Variants in MMP16 observed in about 807,000 individuals in gnomAD.
The protein encoded by MMP16 is matrix metalloproteinase-16.
MMP16 carries 12 observed loss-of-function variants against 67.8 expected under a neutral mutation model. That is an observed-to-expected ratio of 0.18 (90% confidence interval 0.11 to 0.29). MMP16 has a LOEUF of 0.29. Ranked by LOEUF, MMP16 falls within the 10% of genes least tolerant of loss-of-function variation. The pLI, the probability that MMP16 is intolerant of heterozygous loss-of-function variation, is 1.00. For synonymous variants in MMP16, 249 were observed against 255.9 expected (o/e 0.97, Z 0.26); for missense variants, 475 against 765.7 (o/e 0.62, Z 4.48).
intron 4 of MMP16, among the ~76,000 whole-genome samples, chr8:88,156,408 A>G (rs1379277893): frequency 6.6e-6 from 1 of 152,102 alleles, no homozygotes; most frequent in Non-Finnish European, 1.5e-5. Flanking sequence ...GGATTATAAT[A>G]AGGTCTATTT....
intron 1 of MMP16, among the ~76,000 whole-genome samples, chr8:88,286,638 C>T (rs904792634): frequency 4.6e-5 from 7 of 151,824 alleles, no homozygotes; most frequent in East Asian, 1.9e-4. Flanking sequence ...TGCAGTGGCG[C>T]GATCTTTGCT....
At chr8:88,279,819 T>C (rs999200869) in intron 1 of MMP16, among the ~76,000 whole-genome samples, 5 of 152,298 alleles carry the variant, frequency 3.3e-5, no homozygotes, top group Admixed American at 2.6e-4. Flanking sequence ...GGAACTCTAA[T>C]ATGCAGCAGC....
At chr8:88,262,846 CAAAAAAAA>C (rs71277991) in intron 1 of MMP16, among the ~76,000 whole-genome samples, 8 of 53,470 alleles carry the variant, frequency 1.5e-4, no homozygotes, top group African/African-American at 2.4e-4. Flanking sequence ...ACTAAAAATA[CAAAAAAAA>C]AAAAAAAAAA....
At position 88,039,814 on chromosome 8, in the gene MMP16, T is replaced by C. The variant is rs1661803733; in HGVS notation, c.*1647A>G. On this transcript the variant is annotated 3_prime_UTR_variant, in exon 10 of 10. Transcript: ENST00000286614. The surrounding 1 kb of genome is among the most constrained non-coding windows in gnomAD (Gnocchi z 4.5). ...GGTCTGTCAGTTGCTGACTTTTCTC[T>C]AGGAAAAAAATATTGATACAAACCT... is the stretch of plus-strand genomic sequence containing the variant. 1 of 152,550 alleles carries C rather than the reference T, an allele frequency of 6.6e-6. No individual in the cohort carries two copies. The highest frequency in any genetic ancestry group is 2.4e-5 in the African/African-American group (1 of 41,446). The allele number at this position is 152,550 out of a possible 1,614,324, so 9.4% of individuals were successfully genotyped here. A position where few individuals can be genotyped will look rare whatever the true frequency, so the allele number is the denominator to read the frequency against.
chr8:88,060,131 GTTTA>G (rs1808379230), intron 7 of MMP16, among the ~76,000 whole-genome samples: 1 of 151,970 alleles, frequency 6.6e-6, no homozygotes, highest in Non-Finnish European at 1.5e-5. Flanking sequence ...ACCTTACTGG[GTTTA>G]TTTTTCTTTT....
In MMP16 at chr8:88,038,615, AAT is replaced by A. The variant is rs2118177447; in HGVS notation, c.*2844_*2845del. On this transcript the variant is annotated 3_prime_UTR_variant, in exon 10 of 10. Transcript: ENST00000286614. The surrounding 1 kb of genome is among the most constrained non-coding windows in gnomAD (Gnocchi z 4.1). ...AGTTCCTCATTTCTATCTTTAGCAAAATATAGTTTCCAGTTATTTTTTTCTTG... is the reference window on the plus strand; with the variant it reads ...AGTTCCTCATTTCTATCTTTAGCAAAATAGTTTCCAGTTATTTTTTTCTTG... 6.5e-6 allele frequency: 1 copy of A among 152,672 alleles called. No homozygotes were observed. The highest frequency in any genetic ancestry group is 6.5e-5 in the Admixed American group (1 of 15,274). The allele number at this position is 152,672 out of a possible 1,614,324, so 9.5% of individuals were successfully genotyped here.
chr8:88,037,953 T>C lies in MMP16; in HGVS notation c.*3508A>G, dbSNP rs769158157. On this transcript the variant is annotated 3_prime_UTR_variant, in exon 10 of 10. Coordinates refer to ENST00000286614, the MANE Select transcript of MMP16 (RefSeq NM_005941.5). ...TCTGAGCTTTTCATGTTATTAGTGA[T>C]GGGGTGATGAAAATATTTTATGCCT... 3 of 151,988 alleles carry C rather than the reference T, an allele frequency of 2.0e-5. No homozygotes were observed. Among genetic ancestry groups the C allele is most frequent in the Non-Finnish European group, 4.4e-5 (3 of 67,896 alleles). The allele number at this position is 151,988 out of a possible 1,614,324, so 9.4% of individuals were successfully genotyped here. A position where few individuals can be genotyped will look rare whatever the true frequency, so the allele number is the denominator to read the frequency against.
Position 88,167,766 on chromosome 8 carries a change from T to C in MMP16, c.612A>G (p.Gly204=), listed in dbSNP as rs1430205042. The C allele has an allele frequency of 1.2e-6, 2 of 1,613,732 alleles. No individual in the cohort carries two copies. The highest frequency in any genetic ancestry group is 2.2e-5 in the East Asian group (1 of 44,858). Residue 204 remains glycine, a synonymous_variant, in exon 4 of 10, where the codon GGA becomes GGG. Coordinates refer to ENST00000286614, the MANE Select transcript of MMP16 (RefSeq NM_005941.5). ...CAGGGAAGTAGGCATGTGCCAAAAA[T>C]CCTCCCTCTCCATCAAAGGGAGAGC... ...GDSSPFDGEG[G]FLAHAYFPGP... is the part of the protein sequence containing the mutation.
At chr8:88,050,216 G>C (rs1177631491) in intron 8 of MMP16, among the ~76,000 whole-genome samples, 1 of 151,888 alleles carries the variant, frequency 6.6e-6, no homozygotes, top group East Asian at 2.0e-4. Flanking sequence ...CCAGCTAGTC[G>C]GGAGGCTGAG....
chr8:88,283,913 A>T (rs985905497), intron 1 of MMP16, among the ~76,000 whole-genome samples: 7 of 152,220 alleles, frequency 4.6e-5, no homozygotes, highest in African/African-American at 1.7e-4. Context: ...AAGGTGAACC[A>T]TAATATTTTG....
At chr8:88,162,736 C>G (rs913470629) in intron 4 of MMP16, among the ~76,000 whole-genome samples, 3 of 151,930 alleles carry the variant, frequency 2.0e-5, no homozygotes, top group Admixed American at 6.6e-5. Context: ...CTAACGAGAT[C>G]TGGTTGTTGA....
At chr8:88,280,421 G>GA (rs1315811347) in intron 1 of MMP16, among the ~76,000 whole-genome samples, 3 of 151,740 alleles carry the variant, frequency 2.0e-5, no homozygotes, top group Non-Finnish European at 4.4e-5. Context: ...CTATGATCGA[G>GA]AAAAAAAATA....
intron 1 of MMP16, among the ~76,000 whole-genome samples, chr8:88,281,793 G>T (rs537344978): frequency 6.6e-6 from 1 of 152,208 alleles, no homozygotes; most frequent in South Asian, 2.1e-4. Flanking sequence ...CATGCTACAT[G>T]TTAACCTAGG....
At chr8:88,324,971 A>G (rs1811515191) in intron 1 of MMP16, among the ~76,000 whole-genome samples, 1 of 152,206 alleles carries the variant, frequency 6.6e-6, no homozygotes, top group Non-Finnish European at 1.5e-5. Flanking sequence ...TAAGGCATAT[A>G]ATCTGCTCTA....
chr8:88,165,149 C>A (rs1808690499), intron 4 of MMP16, among the ~76,000 whole-genome samples: 1 of 141,814 alleles, frequency 7.1e-6, no homozygotes, highest in East Asian at 2.0e-4. Flanking sequence ...TCAAGTCCAG[C>A]CTGGGCAAAA....
chr8:88,163,745 A>C (rs962349302), intron 4 of MMP16, among the ~76,000 whole-genome samples: 7 of 152,020 alleles, frequency 4.6e-5, no homozygotes, highest in African/African-American at 1.7e-4. Context: ...AAATCTTAAC[A>C]TTTTGCTGGA....
intron 4 of MMP16, among the ~76,000 whole-genome samples, chr8:88,141,884 T>TA (rs1274761650): frequency 5.9e-5 from 9 of 152,014 alleles, no homozygotes; most frequent in African/African-American, 2.2e-4. Flanking sequence ...AAGAAATAGC[T>TA]AGAGTGGTAA....
At chr8:88,104,446 TATA>T (rs1247997044) in intron 6 of MMP16, among the ~76,000 whole-genome samples, 1 of 151,614 alleles carries the variant, frequency 6.6e-6, no homozygotes, top group African/African-American at 2.4e-5. Flanking sequence ...GACAGGTGGT[TATA>T]ATGAGGCTAA....
intron 9 of MMP16, among the ~76,000 whole-genome samples, chr8:88,044,268 G>T (rs2118193141): frequency 6.6e-6 from 1 of 152,262 alleles, no homozygotes; most frequent in African/African-American, 2.4e-5. Flanking sequence ...CATCATACAG[G>T]AGTTATAGAC....
Sources: gnomAD v4.1 joint callset for allele counts (sites outside exome capture counted in the v4.1 genomes callset) on GRCh38, gnomAD v4.1.1 for gene constraint, Gnocchi (gnomAD v3.1) non-coding constraint, MANE v1.5 for transcripts, NCBI Gene and HGNC (gene_info 2026-07-23, HGNC 2026-07-21) for gene names.